The following MGRN1 variants were observed in gnomAD, a reference collection of about 807,000 sequenced individuals.
The protein encoded by MGRN1 is E3 ubiquitin-protein ligase MGRN1.
In MGRN1, 29 loss-of-function variants were observed where a neutral mutation model predicts 69.2. The ratio of observed to expected loss-of-function variants is 0.42; its 90% confidence interval spans 0.31 to 0.57. The LOEUF (loss-of-function observed/expected upper bound fraction) is 0.57, where lower values mean the gene tolerates loss of function less well. Among genes scored for constraint, MGRN1 ranks in the 20% least tolerant of loss-of-function variants. MGRN1 has a pLI of 0.15. For missense variants in MGRN1, 998 were observed against 796.2 expected (o/e 1.25, Z -3.05); for synonymous variants, 470 against 344.2 (o/e 1.37, Z -4.04).
chr16:4,670,491 C>T (rs1036413230), intron 8 of MGRN1, among the ~76,000 whole-genome samples: 2 of 152,240 alleles, frequency 1.3e-5, no homozygotes, highest in African/African-American at 2.4e-5. Context: ...GATCCACCAG[C>T]CTCGGCCTCC....
rs116857732 is a variant in MGRN1 at position 4,688,586 on chromosome 16, G to C, written c.1619-210G>C. 1.6e-3 allele frequency: 2,121 copies of C among 1,333,834 alleles called. 6 individuals are homozygous for C. Among genetic ancestry groups the C allele is most frequent in the Non-Finnish European group, 1.8e-3 (1,893 of 1,037,930 alleles). 82.6% of individuals were successfully genotyped at this position (1,333,834 alleles called of 1,614,324 possible). ...GGTGTCCGGGGATCTGGGATCGTCT[G>C]TCCCAAGAGGGACACAGCGTATTTG... On this transcript the variant is annotated intron_variant, in intron 16 of 16. Transcript: ENST00000262370.
rs746070982 is a variant in MGRN1, at chr16:4,677,459, G to C, written c.956-4G>C. The stretch of plus-strand genomic sequence containing the variant: ...GCCTGATCTGAGCCCTCCTTCTGCC[G>C]CAGCTTTCCGGGCCCTCCTGCAGAT... On this transcript the variant is annotated splice_region_variant and splice_polypyrimidine_tract_variant and intron_variant, in intron 10 of 16. Transcript: ENST00000262370. 1 of 1,545,742 alleles carries C rather than the reference G, an allele frequency of 6.5e-7. No homozygotes were observed. Among genetic ancestry groups the C allele is most frequent in the Non-Finnish European group, 8.7e-7 (1 of 1,148,684 alleles).
intron 4 of MGRN1, 105 bp from the exon 5 acceptor site, chr16:4,657,140 CA>C: frequency 9.0e-7 from 1 of 1,105,400 alleles, no homozygotes; most frequent in South Asian, 1.4e-5. Flanking sequence ...AGAGGGTCCC[CA>C]AAAGACAGGT....
intron 10 of MGRN1, 113 bp from the exon 11 acceptor site, chr16:4,677,350 G>T (rs1596312010): frequency 8.0e-6 from 5 of 627,414 alleles, no homozygotes; most frequent in Admixed American, 3.8e-5. Context: ...TGGAAGCGGG[G>T]TCACCCCAGG....
At chr16:4,659,511 A>C (rs2078628001) in intron 5 of MGRN1, among the ~76,000 whole-genome samples, 1 of 152,192 alleles carries the variant, frequency 6.6e-6, no homozygotes, top group Non-Finnish European at 1.5e-5. Context: ...TTTAGGGCCC[A>C]GAGAGGGTTG....
At chr16:4,665,660 G>T (rs1349904366) in intron 7 of MGRN1, among the ~76,000 whole-genome samples, 1 of 145,404 alleles carries the variant, frequency 6.9e-6, no homozygotes, top group Non-Finnish European at 1.5e-5. Context: ...TGAGCCACGT[G>T]CCCGGCCTTT....
chr16:4,678,532 G>C (rs931020002), intron 11 of MGRN1, among the ~76,000 whole-genome samples: 2 of 152,116 alleles, frequency 1.3e-5, no homozygotes, highest in African/African-American at 2.4e-5. Flanking sequence ...CAGATGTGGA[G>C]AGACGGAGAG....
At chr16:4,635,465 A>G (rs1172246735) in intron 1 of MGRN1, among the ~76,000 whole-genome samples, 2 of 151,718 alleles carry the variant, frequency 1.3e-5, no homozygotes, top group Admixed American at 6.6e-5. Context: ...AGGCTAACAT[A>G]TTCTTTTTTT....
At chr16:4,635,634 CTTTT>C (rs897798115) in intron 1 of MGRN1, among the ~76,000 whole-genome samples, 2 of 149,470 alleles carry the variant, frequency 1.3e-5, no homozygotes, top group Admixed American at 1.3e-4. Flanking sequence ...ACCCAGCTAA[CTTTT>C]TTTTCTTTTT....
intron 5 of MGRN1, among the ~76,000 whole-genome samples, chr16:4,660,214 C>A (rs575974166): frequency 6.6e-6 from 1 of 152,348 alleles, no homozygotes; most frequent in East Asian, 1.9e-4. Context: ...CGCTTTTTCT[C>A]TCTAGAGTGT....
At position 4,690,359 on chromosome 16, in the gene MGRN1, C is replaced by T. The variant is rs1200681245; in HGVS notation, c.*1451C>T. On this transcript the variant is annotated 3_prime_UTR_variant, in exon 17 of 17. Transcript: ENST00000262370. ...TGCTCACCTGGCTCTGGAGGGCTGC[C>T]CTGCAGCTGGGCCTGGGGACAGGTC... is the stretch of plus-strand genomic sequence containing the variant. The T allele has an allele frequency of 6.6e-6, 1 of 152,156 alleles. No individual in the cohort carries two copies. Among genetic ancestry groups the T allele is most frequent in the African/African-American group, 2.4e-5 (1 of 41,400 alleles). The allele number at this position is 152,156 out of a possible 1,614,324, so 9.4% of individuals were successfully genotyped here. A position where few individuals can be genotyped will look rare whatever the true frequency, so the allele number is the denominator to read the frequency against.
intron 11 of MGRN1, 39 bp from the exon 12 acceptor site, chr16:4,679,993 G>GGGT: frequency 1.3e-6 from 2 of 1,598,736 alleles, no homozygotes; most frequent in Non-Finnish European, 1.7e-6. Context: ...GGCCGCGTGG[G>GGGT]GGTGGTAGTT....
chr16:4,681,897 T>G (rs912232632), intron 13 of MGRN1, 121 bp downstream of exon 13: 1 of 1,004,736 alleles, frequency 1.0e-6, no homozygotes, highest in African/African-American at 1.6e-5. Flanking sequence ...CCAGAAGGAC[T>G]CGGAGACCCC....
intron 1 of MGRN1, chr16:4,639,671 G>T (rs1266727150): frequency 2.0e-5 from 3 of 152,396 alleles, no homozygotes; most frequent in South Asian, 4.1e-4. Flanking sequence ...CGTATTGGGG[G>T]TGTGGAGGAA....
intron 4 of MGRN1, among the ~76,000 whole-genome samples, chr16:4,654,331 T>G (rs1456867826): frequency 2.0e-5 from 3 of 152,230 alleles, no homozygotes; most frequent in Non-Finnish European, 4.4e-5. Flanking sequence ...TGTCAGGAAC[T>G]GGGGCTGGGA....
chr16:4,668,213 C>T, intron 7 of MGRN1, 52 bp from the exon 8 acceptor site: 1 of 1,582,428 alleles, frequency 6.3e-7, no homozygotes. Context: ...CGCAGGGGTG[C>T]TCAGAGGCGC....
intron 3 of MGRN1, 45 bp from the exon 4 acceptor site, chr16:4,652,633 A>G (rs992140536): frequency 1.3e-6 from 2 of 1,571,298 alleles, no homozygotes; most frequent in East Asian, 4.6e-5. Context: ...GCCTCCGCAG[A>G]TGGGGCCGCT....
At chr16:4,679,944 C>A in intron 11 of MGRN1, 88 bp from the exon 12 acceptor site, 1 of 1,262,112 alleles carries the variant, frequency 7.9e-7, no homozygotes, top group Non-Finnish European at 1.1e-6. Flanking sequence ...CACGGTGTGG[C>A]AAGAGGACAG....
At chr16:4,661,745 C>A (rs2078686627) in intron 5 of MGRN1, among the ~76,000 whole-genome samples, 1 of 152,238 alleles carries the variant, frequency 6.6e-6, no homozygotes, top group Admixed American at 6.5e-5. Context: ...GTTGTCCATC[C>A]CATGGGACTT....
Sources: allele counts gnomAD v4.1 joint callset (sites outside exome capture counted in the v4.1 genomes callset), GRCh38; gene constraint gnomAD v4.1.1; transcripts MANE v1.5; gene names NCBI Gene and HGNC (gene_info 2026-07-23, HGNC 2026-07-21).